Variants in PSAPL1 observed in about 807,000 individuals in gnomAD.
The protein encoded by PSAPL1 is prosaposin like 1.
For synonymous variants in PSAPL1, 351 were observed against 291.6 expected (o/e 1.20, Z -2.08); for missense variants, 814 against 688.8 (o/e 1.18, Z -2.03).
rs781653905 is a variant in PSAPL1, at chr4:7,434,579, G to T, written c.301C>A (p.Gln101Lys). 3.1e-6 allele frequency: 5 copies of T among 1,613,504 alleles called. No homozygotes were observed. The highest frequency in any genetic ancestry group is 3.4e-6 in the Non-Finnish European group (4 of 1,179,786). Residue 101 changes from glutamine to lysine, a missense_variant, in exon 1 of 1, where the codon CAG (glutamine) becomes AAG (lysine). Transcript: ENST00000319098. ...VMKTCEWLPS[Q>K]ESSAGCKWMV... is the part of the protein sequence containing the mutation. ...CACTTGCATCCGGCTGAAGACTCCT[G>T]GCTGGGGAGCCACTCACAGGTCTTC...
In PSAPL1 at chr4:7,433,007, G is replaced by A. The variant is rs1191685870; in HGVS notation, c.*307C>T. 2 of 242,846 alleles carry A rather than the reference G, an allele frequency of 8.2e-6. No homozygotes were observed. Among genetic ancestry groups the A allele is most frequent in the Non-Finnish European group, 7.8e-6 (1 of 127,496 alleles). 15.0% of individuals were successfully genotyped at this position (242,846 alleles called of 1,614,324 possible). ...GGTAAAGGGGCACCTGAGCCCATGGGCAGGCTCTCATGGGACCACCGGCAA... is the reference window on the plus strand; with the variant it reads ...GGTAAAGGGGCACCTGAGCCCATGGACAGGCTCTCATGGGACCACCGGCAA... On this transcript the variant is annotated 3_prime_UTR_variant, in exon 1 of 1. Coordinates refer to ENST00000319098, the MANE Select transcript of PSAPL1 (RefSeq NM_001085382.2).
Position 7,433,405 on chromosome 4 carries a change from C to A in PSAPL1, c.1475G>T (p.Ser492Ile). The A allele has an allele frequency of 6.6e-7, 1 of 1,507,272 alleles. No homozygotes were observed. Among genetic ancestry groups the A allele is most frequent in the Non-Finnish European group, 8.9e-7 (1 of 1,129,492 alleles). 93.4% of individuals were successfully genotyped at this position (1,507,272 alleles called of 1,614,324 possible). ...GTTGCACAGCTTGGCGGCCTCCTGGCTCCTGCACCAGAAGCTTGGGCCCAG... is the reference window on the plus strand; with the variant it reads ...GTTGCACAGCTTGGCGGCCTCCTGGATCCTGCACCAGAAGCTTGGGCCCAG... ...CALGPSFWCR[S>I]QEAAKLCNAV... The change falls in exon 1 of 1, where the codon AGC becomes ATC. Residue 492 changes from serine (S) to isoleucine (I), a missense_variant. By Grantham distance (142) the Ser-to-Ile change is moderately radical (BLOSUM62 -2). Transcript: ENST00000319098.
chr4:7,433,758 T>TGCCCGG lies in PSAPL1; in HGVS notation c.1116_1121dup (p.Arg373_Ala374dup). The TGCCCGG allele has an allele frequency of 6.2e-7, 1 of 1,613,418 alleles. No homozygotes were observed. Among genetic ancestry groups the TGCCCGG allele is most frequent in the South Asian group, 1.1e-5 (1 of 91,080 alleles). On this transcript the variant is annotated inframe_insertion, in exon 1 of 1. Transcript: ENST00000319098. ...GCACGATGGCATAGGCATCATGGAC[T>TGCCCGG]GCCCGGGCCCGCCTCCGGTTGCCAC...
chr4:7,433,458 G>A lies in PSAPL1; in HGVS notation c.1422C>T (p.Thr474=), dbSNP rs932429382. 1.3e-6 allele frequency: 2 copies of A among 1,555,764 alleles called. No individual in the cohort carries two copies. Among genetic ancestry groups the A allele is most frequent in the Non-Finnish European group, 1.7e-6 (2 of 1,152,854 alleles). Residue 474 remains threonine, a synonymous_variant, in exon 1 of 1, where the codon ACC becomes ACT. Coordinates refer to ENST00000319098, the MANE Select transcript of PSAPL1 (RefSeq NM_001085382.2). The part of the protein sequence containing the change: ...KKVGACHGPR[T]PLLGTDQCAL... ...CACACTGGTCGGTGCCCAGCAGTGG[G>A]GTCCTGGGGCCGTGGCAGGCCCCCA...
In PSAPL1 at chr4:7,434,555, A is replaced by G; in HGVS notation, c.325T>C (p.Trp109Arg). ...PSQESSAGCKWMVDAHSSAIL... is the reference protein window; with the variant it reads ...PSQESSAGCKRMVDAHSSAIL... Reference sequence around the variant, plus strand: ...GCCGAACTGTGGGCATCCACCATCCACTTGCATCCGGCTGAAGACTCCTGG... The same window carrying G: ...GCCGAACTGTGGGCATCCACCATCCGCTTGCATCCGGCTGAAGACTCCTGG... Residue 109 changes from tryptophan (W) to arginine (R), a missense_variant, in exon 1 of 1, where the codon TGG (tryptophan) becomes CGG (arginine). By Grantham distance (101) the Trp-to-Arg change is moderately radical. Coordinates refer to ENST00000319098, the MANE Select transcript of PSAPL1 (RefSeq NM_001085382.2). 1 of 1,613,442 alleles carries G rather than the reference A, an allele frequency of 6.2e-7. No homozygotes were observed. Among genetic ancestry groups the G allele is most frequent in the Non-Finnish European group, 8.5e-7 (1 of 1,179,842 alleles).
chr4:7,434,604 C>T lies in PSAPL1; in HGVS notation c.276G>A (p.Met92Ile). The T allele has an allele frequency of 6.2e-7, 1 of 1,613,422 alleles. No individual in the cohort carries two copies. The highest frequency in any genetic ancestry group is 8.5e-7 in the Non-Finnish European group (1 of 1,179,724). Residue 92 changes from methionine to isoleucine, a missense_variant, in exon 1 of 1, where the codon ATG becomes ATA. By Grantham distance (10) the Met-to-Ile change is conservative (BLOSUM62 1). Transcript: ENST00000319098. Reference sequence around the variant, plus strand: ...GGCTGGGGAGCCACTCACAGGTCTTCATCACCAAAGCCAGGATGTCAGACT... The same window carrying T: ...GGCTGGGGAGCCACTCACAGGTCTTTATCACCAAAGCCAGGATGTCAGACT... ...ATESDILALVMKTCEWLPSQE... is the reference protein window; with the variant it reads ...ATESDILALVIKTCEWLPSQE...
rs1458652046 is a variant in PSAPL1 at position 7,430,532 on chromosome 4, A to G, written c.*2782T>C. ...GGACGTCCCAGGCCTCCGCCTTACG[A>G]TGGCATCTGAAGAATGCCCAGCATG... On this transcript the variant is annotated 3_prime_UTR_variant, in exon 1 of 1. Coordinates refer to ENST00000319098, the MANE Select transcript of PSAPL1 (RefSeq NM_001085382.2). 6.6e-6 allele frequency: 1 copy of G among 152,218 alleles called. No individual in the cohort carries two copies. Among genetic ancestry groups the G allele is most frequent in the East Asian group, 1.9e-4 (1 of 5,174 alleles). 9.4% of individuals were successfully genotyped at this position (152,218 alleles called of 1,614,324 possible). A position where few individuals can be genotyped will look rare whatever the true frequency, so the allele number is the denominator to read the frequency against.
chr4:7,433,567 C>T lies in PSAPL1; in HGVS notation c.1313G>A (p.Cys438Tyr). Reference sequence around the variant, plus strand: ...CTCGTACTGGGTGACGAAGTGCTTGCACTGGATCATATAGGGCAGCGGCAG... The same window carrying T: ...CTCGTACTGGGTGACGAAGTGCTTGTACTGGATCATATAGGGCAGCGGCAG... ...SILPLPYMIQ[C>Y]KHFVTQYEPV... The change falls in exon 1 of 1, where the codon TGC becomes TAC. Residue 438 changes from cysteine to tyrosine, a missense_variant. Transcript: ENST00000319098. 2.5e-6 allele frequency: 4 copies of T among 1,611,680 alleles called. No individual in the cohort carries two copies. The highest frequency in any genetic ancestry group is 1.1e-5 in the South Asian group (1 of 90,734).
At position 7,433,623 on chromosome 4, in the gene PSAPL1, G is replaced by C. The variant is rs767728929; in HGVS notation, c.1257C>G (p.Ile419Met). The C allele has an allele frequency of 7.4e-6, 12 of 1,611,394 alleles. No homozygotes were observed. The highest frequency in any genetic ancestry group is 1.1e-5 in the South Asian group (1 of 90,688). ...NLESKSTKRD[I>M]LVAFKGGCSI... ...TGCAGCCACCCTTGAAGGCCACCAG[G>C]ATGTCTCGCTTGGTGCTCTTGCTCT... The change falls in exon 1 of 1, where the codon ATC becomes ATG. Residue 419 changes from isoleucine to methionine, a missense_variant. Physicochemically the swap from Ile to Met is conservative, Grantham distance 10. Coordinates refer to ENST00000319098, the MANE Select transcript of PSAPL1 (RefSeq NM_001085382.2).
chr4:7,433,861 A>G lies in PSAPL1; in HGVS notation c.1019T>C (p.Val340Ala), dbSNP rs748061483. 1 of 1,613,908 alleles carries G rather than the reference A, an allele frequency of 6.2e-7. No individual in the cohort carries two copies. The highest frequency in any genetic ancestry group is 8.5e-7 in the Non-Finnish European group (1 of 1,179,902). Residue 340 changes from valine to alanine, a missense_variant, in exon 1 of 1, where the codon GTG (valine) becomes GCG (alanine). By Grantham distance (64) the Val-to-Ala change is moderately conservative (BLOSUM62 0). Transcript: ENST00000319098. ...CACCAAGGAGGGGCTGTAGGTGTCC[A>G]CCAAGATGATGCACTCCTTCGTGAT... is the stretch of plus-strand genomic sequence containing the variant. ...ASITKECIIL[V>A]DTYSPSLVQL...
rs1451272245 is a variant in PSAPL1, at chr4:7,431,675, G to A, written c.*1639C>T. 2.0e-5 allele frequency: 3 copies of A among 152,196 alleles called. No homozygotes were observed. The highest frequency in any genetic ancestry group is 4.8e-5 in the African/African-American group (2 of 41,422). 9.4% of individuals were successfully genotyped at this position (152,196 alleles called of 1,614,324 possible). A position where few individuals can be genotyped will look rare whatever the true frequency, so the allele number is the denominator to read the frequency against. On this transcript the variant is annotated 3_prime_UTR_variant, in exon 1 of 1. Coordinates refer to ENST00000319098, the MANE Select transcript of PSAPL1 (RefSeq NM_001085382.2). ...CATGGCCCATCCGGTGGCCAGGCAC[G>A]ACCACCACCCCTTGCTGGCCTTATC...
In PSAPL1 at chr4:7,433,124, G is replaced by T; in HGVS notation, c.*190C>A. 1 of 516,980 alleles carries T rather than the reference G, an allele frequency of 1.9e-6. No individual in the cohort carries two copies. The highest frequency in any genetic ancestry group is 3.0e-6 in the Non-Finnish European group (1 of 329,452). The allele number at this position is 516,980 out of a possible 1,614,324, so 32.0% of individuals were successfully genotyped here. On this transcript the variant is annotated 3_prime_UTR_variant, in exon 1 of 1. Coordinates refer to ENST00000319098, the MANE Select transcript of PSAPL1 (RefSeq NM_001085382.2). ...CCGGTCCAGTAGAGATGCTTTCAAG[G>T]GCAAAGCTGTGCGGCACCGTTGTTA...
chr4:7,434,509 C>G lies in PSAPL1; in HGVS notation c.371G>C (p.Gly124Ala). The change falls in exon 1 of 1, where the codon GGG becomes GCG. Residue 124 changes from glycine to alanine, a missense_variant. Gly to Ala is a moderately conservative substitution (Grantham distance 60). Coordinates refer to ENST00000319098, the MANE Select transcript of PSAPL1 (RefSeq NM_001085382.2). ...CTGTGCCGGGGCACTGTCCGGGGCC[C>G]CACGGAGCATGCTCAGGATGGCCGA... ...HSSAILSMLRGAPDSAPAQVC... is the reference protein window; with the variant it reads ...HSSAILSMLRAAPDSAPAQVC... 1 of 1,612,716 alleles carries G rather than the reference C, an allele frequency of 6.2e-7. No individual in the cohort carries two copies. Among genetic ancestry groups the G allele is most frequent in the Non-Finnish European group, 8.5e-7 (1 of 1,179,816 alleles).
At position 7,434,490 on chromosome 4, in the gene PSAPL1, C is replaced by T. The variant is rs749202917; in HGVS notation, c.390G>A (p.Pro130=). The T allele has an allele frequency of 1.8e-5, 29 of 1,611,874 alleles. No individual in the cohort carries two copies. In the East Asian group the frequency reaches 2.5e-4, roughly 14 times the overall value. Residue 130 remains proline, a synonymous_variant, in exon 1 of 1, where the codon CCG becomes CCA. Coordinates refer to ENST00000319098, the MANE Select transcript of PSAPL1 (RefSeq NM_001085382.2). The part of the protein sequence containing the change: ...SMLRGAPDSA[P]AQVCTALSLC... ...GGCTGAGCGCTGTGCACACCTGTGCCGGGGCACTGTCCGGGGCCCCACGGA... is the reference window on the plus strand; with the variant it reads ...GGCTGAGCGCTGTGCACACCTGTGCTGGGGCACTGTCCGGGGCCCCACGGA...
Position 7,433,556 on chromosome 4 carries a change from C to G in PSAPL1, c.1324G>C (p.Val442Leu), listed in dbSNP as rs199523405. Reference protein sequence around the residue: ...LPYMIQCKHFVTQYEPVLIES... With the variant: ...LPYMIQCKHFLTQYEPVLIES... ...ATGAGCACGGGCTCGTACTGGGTGA[C>G]GAAGTGCTTGCACTGGATCATATAG... is the stretch of plus-strand genomic sequence containing the variant. Residue 442 changes from valine to leucine, a missense_variant, in exon 1 of 1, where the codon GTC (valine) becomes CTC (leucine). By Grantham distance (32) the Val-to-Leu change is conservative (BLOSUM62 1). Coordinates refer to ENST00000319098, the MANE Select transcript of PSAPL1 (RefSeq NM_001085382.2). 1.2e-6 allele frequency: 2 copies of G among 1,611,104 alleles called. No individual in the cohort carries two copies. The highest frequency in any genetic ancestry group is 3.3e-5 in the Admixed American group (2 of 59,728).
At chr4:7,434,648 G>GC in the PSAPL1 span, 1 of 1,613,342 alleles carries the variant, frequency 6.2e-7, no homozygotes, top group South Asian at 1.1e-5. Flanking sequence ...TCAGGGTTCA[G>GC]CCCATTGCCA....
At chr4:7,433,369 T>TGTTGCACAGC in the PSAPL1 span, 1 of 1,464,428 alleles carries the variant, frequency 6.8e-7, no homozygotes, top group Non-Finnish European at 9.0e-7. Context: ...CTTCTGGCAG[T>TGTTGCACAGC]GTTGCACAGC....
In PSAPL1 at chr4:7,433,210, G is replaced by T; in HGVS notation, c.*104C>A. On this transcript the variant is annotated 3_prime_UTR_variant, in exon 1 of 1. Transcript: ENST00000319098. ...TGAACTTCAGCTCTGCTCCTTCCCA[G>T]CCTCCCTCCTCAGAGCTTCAGTTTT... 6.6e-6 allele frequency: 8 copies of T among 1,212,394 alleles called. No individual in the cohort carries two copies. Among genetic ancestry groups the T allele is most frequent in the African/African-American group, 1.5e-5 (1 of 64,964 alleles). 75.1% of individuals were successfully genotyped at this position (1,212,394 alleles called of 1,614,324 possible). A position where few individuals can be genotyped will look rare whatever the true frequency, so the allele number is the denominator to read the frequency against.
Position 7,434,832 on chromosome 4 carries a change from C to G in PSAPL1, c.48G>C (p.Arg16Ser), listed in dbSNP as rs773224327. The part of the protein sequence containing the change: ...LLLPSLLGAT[R>S]ASPTSGPQEC... ...CCTGGGGGCCTGAGGTGGGGCTGGC[C>G]CTGGTGGCCCCCAGGAGGCTGGGCA... Residue 16 changes from arginine to serine, a missense_variant, in exon 1 of 1, where the codon AGG (arginine) becomes AGC (serine). By Grantham distance (110) the Arg-to-Ser change is moderately radical (BLOSUM62 -1). Transcript: ENST00000319098. 5 of 1,595,280 alleles carry G rather than the reference C, an allele frequency of 3.1e-6. No individual in the cohort carries two copies. The highest frequency in any genetic ancestry group is 4.3e-6 in the Non-Finnish European group (5 of 1,171,640).
Sources: allele counts gnomAD v4.1 joint callset, GRCh38; gene constraint gnomAD v4.1.1; transcripts MANE v1.5; gene names NCBI Gene and HGNC (gene_info 2026-07-23, HGNC 2026-07-21).